Variants in POLQ observed in about 807,000 individuals in gnomAD.
The protein encoded by POLQ is epididymis secretory sperm binding protein.
A neutral mutation model predicts 259.2 loss-of-function variants in POLQ; 233 were observed. That is an observed-to-expected ratio of 0.90 (90% CI 0.81 to 1.00). The LOEUF (loss-of-function observed/expected upper bound fraction) is 1.00. POLQ is among the 50% of genes least tolerant of loss of function. The probability of loss-of-function intolerance (pLI) is 0.00; values close to 1 mark genes in which losing one functional copy is unlikely to be tolerated. For synonymous variants in POLQ, 1,025 were observed against 1,048.8 expected (o/e 0.98, Z 0.44); for missense variants, 2,871 against 3,051.6 (o/e 0.94, Z 1.39).
At position 121,488,259 on chromosome 3, in the gene POLQ, A is replaced by C. The variant is rs755875154; in HGVS notation, c.4672T>G (p.Phe1558Val). ...LTCSNDESII[F>V]SEMDSVQMVE... ...ATCTGAACAGAATCCATTTCTGAAA[A>C]TATAATAGATTCATCATTGGAACAA... The change falls in exon 16 of 30, where the codon TTT (phenylalanine) becomes GTT (valine). Residue 1558 changes from phenylalanine to valine, a missense_variant. Physicochemically the swap from Phe to Val is conservative, Grantham distance 50 (BLOSUM62 -1). This residue lies in a region of POLQ where 2,080 missense variants were observed against 2,126.0 expected (regional missense o/e 0.98). Coordinates refer to ENST00000264233, the MANE Select transcript of POLQ (RefSeq NM_199420.4). 6.2e-7 allele frequency: 1 copy of C among 1,612,760 alleles called. No homozygotes were observed. The highest frequency in any genetic ancestry group is 1.1e-5 in the South Asian group (1 of 90,870).
At chr3:121,499,771 G>T (rs1031446801) in intron 12 of POLQ, among the ~76,000 whole-genome samples, 3 of 151,994 alleles carry the variant, frequency 2.0e-5, no homozygotes, top group Non-Finnish European at 4.4e-5. Context: ...AAACACAGGG[G>T]GAAAAGCAGG....
At chr3:121,436,740 C>T (rs952028048) in intron 27 of POLQ, among the ~76,000 whole-genome samples, 6 of 151,896 alleles carry the variant, frequency 4.0e-5, no homozygotes, top group South Asian at 2.1e-4. Context: ...AGTGTGAGCC[C>T]TGCAGGTATG....
intron 26 of POLQ, among the ~76,000 whole-genome samples, chr3:121,441,130 T>C (rs552957526): frequency 2.0e-5 from 3 of 152,302 alleles, no homozygotes; most frequent in South Asian, 4.1e-4. Flanking sequence ...TAAGAATTAC[T>C]GTGATATTTT....
intron 19 of POLQ, among the ~76,000 whole-genome samples, chr3:121,478,576 T>TAAAAAAAAAAAAAAAAAAAA (rs143898506): frequency 1.3e-5 from 1 of 77,402 alleles, no homozygotes; most frequent in Non-Finnish European, 2.4e-5. Flanking sequence ...GGCAAATTTG[T>TAAAAAAAAAAAAAAAAAAAA]AAAAAAAAAA....
intron 14 of POLQ, among the ~76,000 whole-genome samples, chr3:121,496,185 T>TC (rs1462838053): frequency 6.6e-6 from 1 of 150,952 alleles, no homozygotes; most frequent in Non-Finnish European, 1.5e-5. Flanking sequence ...CAGTACCTTT[T>TC]TTTTTTTTTG....
intron 12 of POLQ, among the ~76,000 whole-genome samples, chr3:121,505,963 A>C (rs1486534852): frequency 6.7e-6 from 1 of 150,324 alleles, no homozygotes; most frequent in Non-Finnish European, 1.5e-5. Flanking sequence ...CGGAGGTTGC[A>C]GTGAGCCGAG....
At chr3:121,490,970 A>G (rs1014349307) in intron 15 of POLQ, among the ~76,000 whole-genome samples, 4 of 151,922 alleles carry the variant, frequency 2.6e-5, no homozygotes, top group African/African-American at 9.7e-5. Context: ...CATGAGAATC[A>G]CTCGAACCCA....
At chr3:121,465,753 G>C (rs1028259853) in intron 24 of POLQ, among the ~76,000 whole-genome samples, 1 of 152,136 alleles carries the variant, frequency 6.6e-6, no homozygotes, top group Non-Finnish European at 1.5e-5. Context: ...TTTTGTGTGT[G>C]TTCTAACTAC....
chr3:121,510,301 G>C, intron 10 of POLQ, 58 bp from the exon 11 acceptor site: 14 of 1,271,618 alleles, frequency 1.1e-5, no homozygotes, highest in East Asian at 2.3e-5. Context: ...CAAGCCACCG[G>C]GCGCGGTGGC....
rs150510978 is a variant in POLQ at position 121,489,882 on chromosome 3, G to T, written c.3049C>A (p.Gln1017Lys). The part of the protein sequence containing the change: ...EGKTSDKKVV[Q>K]TFSQKTKKAP... ...TTTTTTGTTTTCTGTGAAAAAGTCT[G>T]AACAACTTTCTTATCACTTGTTTTC... is the stretch of plus-strand genomic sequence containing the variant. The change falls in exon 16 of 30, where the codon CAG becomes AAG. Residue 1017 changes from glutamine (Q) to lysine (K), a missense_variant. Physicochemically the swap from Gln to Lys is moderately conservative, Grantham distance 53. Transcript: ENST00000264233. 7.0e-5 allele frequency: 113 copies of T among 1,603,958 alleles called. 2 individuals are homozygous for T. Among genetic ancestry groups the T allele is most frequent in the South Asian group, 3.4e-4 (30 of 88,424 alleles).
intron 23 of POLQ, among the ~76,000 whole-genome samples, chr3:121,468,025 T>G (rs1283544185): frequency 6.6e-6 from 1 of 152,096 alleles, no homozygotes; most frequent in African/African-American, 2.4e-5. Flanking sequence ...AGAGCAAGAC[T>G]CCGTCTCAAA....
At chr3:121,453,573 T>C (rs2047700554) in intron 25 of POLQ, among the ~76,000 whole-genome samples, 1 of 152,058 alleles carries the variant, frequency 6.6e-6, no homozygotes, top group Non-Finnish European at 1.5e-5. Flanking sequence ...AAGCCAAGGC[T>C]TGAGAACTAC....
rs569578080 is a variant in POLQ, at chr3:121,502,795, G to C, written c.1960-4125C>G. ...AGTATAACAACGTACTGTTAGGTTT[G>C]CAACACATAATGATGTAATAAGTAT... On this transcript the variant is annotated intron_variant, in intron 12 of 29. Transcript: ENST00000264233. Among the ~76,000 whole-genome samples the C allele has an allele frequency of 1.6e-4, 25 of 152,182 alleles. No homozygotes were observed. The South Asian group carries it at 4.8e-3, about 29-fold the overall frequency.
At chr3:121,447,594 C>T (rs2047642420) in intron 26 of POLQ, among the ~76,000 whole-genome samples, 1 of 152,090 alleles carries the variant, frequency 6.6e-6, no homozygotes, top group Admixed American at 6.6e-5. Context: ...ATCACAATTG[C>T]AATGTTATAA....
chr3:121,499,671 A>G (rs1208436128), intron 12 of POLQ, among the ~76,000 whole-genome samples: 2 of 152,202 alleles, frequency 1.3e-5, no homozygotes, highest in Non-Finnish European at 2.9e-5. Flanking sequence ...GAGATAAGGG[A>G]AGAATCAATA....
At chr3:121,435,126 T>G (rs2047532401) in intron 28 of POLQ, among the ~76,000 whole-genome samples, 1 of 152,176 alleles carries the variant, frequency 6.6e-6, no homozygotes, top group Non-Finnish European at 1.5e-5. Flanking sequence ...ATCGTGCCAC[T>G]GCACTCCAGC....
Position 121,467,791 on chromosome 3 carries a change from A to C in POLQ, c.6846-151T>G. ...TGTGGTAGCTCACACCTGTAATACCAGCACTTTGGGAAGCCGAGGCGAGTA... is the reference window on the plus strand; with the variant it reads ...TGTGGTAGCTCACACCTGTAATACCCGCACTTTGGGAAGCCGAGGCGAGTA... On this transcript the variant is annotated intron_variant, in intron 23 of 29. Coordinates refer to ENST00000264233, the MANE Select transcript of POLQ (RefSeq NM_199420.4). 3 of 759,244 alleles carry C rather than the reference A, an allele frequency of 4.0e-6. No homozygotes were observed. The South Asian group carries it at 5.6e-5, about 14-fold the overall frequency. 47.0% of individuals were successfully genotyped at this position (759,244 alleles called of 1,614,324 possible).
intron 26 of POLQ, among the ~76,000 whole-genome samples, chr3:121,442,994 G>T (rs905969072): frequency 7.9e-5 from 12 of 152,094 alleles, no homozygotes; most frequent in African/African-American, 2.7e-4. Flanking sequence ...AAGTGGTTGG[G>T]ATACAGGTGC....
chr3:121,488,186 T>C lies in POLQ; in HGVS notation c.4745A>G (p.Asn1582Ser), dbSNP rs776920555. 1.1e-4 allele frequency: 171 copies of C among 1,613,552 alleles called. No individual in the cohort carries two copies. Among genetic ancestry groups the C allele is most frequent in the Non-Finnish European group, 1.3e-4 (154 of 1,179,886 alleles). The part of the protein sequence containing the change: ...NVDIFPVQEK[N>S]HTVVSPRALE... ...TGCTCTAGGAGATACTACAGTATGA[T>C]TCTTCTCTTGGACAGGAAATATATC... is the stretch of plus-strand genomic sequence containing the variant. Residue 1582 changes from asparagine to serine, a missense_variant, in exon 16 of 30, where the codon AAT becomes AGT. This residue lies in a region of POLQ where 2,080 missense variants were observed against 2,126.0 expected (regional missense o/e 0.98). Coordinates refer to ENST00000264233, the MANE Select transcript of POLQ (RefSeq NM_199420.4).
Sources: gnomAD v4.1 joint callset for allele counts (sites outside exome capture counted in the v4.1 genomes callset) on GRCh38, gnomAD v4.1.1 for gene constraint, gnomAD v4.1.1 regional missense constraint, MANE v1.5 for transcripts, NCBI Gene and HGNC (gene_info 2026-07-23, HGNC 2026-07-21) for gene names.